Variants in PCDH1 observed in about 807,000 individuals in gnomAD.
The protein encoded by PCDH1 is protocadherin-1.
Under a neutral mutation model 74.6 loss-of-function variants are expected in PCDH1, and 23 were observed. That is an observed-to-expected ratio of 0.31 (90% confidence interval 0.22 to 0.44). PCDH1 has a LOEUF of 0.44. Ranked by LOEUF, PCDH1 falls within the 20% of genes least tolerant of loss-of-function variation. PCDH1 has a pLI of 1.00. For missense variants in PCDH1, 1,214 were observed against 1,641.4 expected (o/e 0.74, Z 4.50); for synonymous variants, 647 against 686.1 (o/e 0.94, Z 0.89).
intron 1 of PCDH1, among the ~76,000 whole-genome samples, chr5:141,876,083 C>G (rs1437593638): frequency 1.3e-5 from 2 of 152,158 alleles, no homozygotes. Flanking sequence ...ACACACCCAG[C>G]GCGCGGAGCG....
In PCDH1 at chr5:141,878,131, C is replaced by G. The variant is rs1290107643; in HGVS notation, c.40+92G>C. The G allele has an allele frequency of 4.1e-6, 5 of 1,231,478 alleles. No homozygotes were observed. In the East Asian group the frequency reaches 1.6e-4, roughly 40 times the overall value. The allele number at this position is 1,231,478 out of a possible 1,614,324, so 76.3% of individuals were successfully genotyped here. A position where few individuals can be genotyped will look rare whatever the true frequency, so the allele number is the denominator to read the frequency against. On this transcript the variant is annotated intron_variant, in intron 1 of 4. Transcript: ENST00000287008. This position sits in a 1 kb window ranked among gnomAD's most constrained non-coding sequence, Gnocchi z 5.5. ...AGCTCGTGTTGGGCCCCCGCGGCCT[C>G]GCTCCGCCGAGCGCCCCTCCCTCAG...
intron 1 of PCDH1, among the ~76,000 whole-genome samples, chr5:141,875,652 C>G (rs1481068340): frequency 1.3e-5 from 2 of 152,188 alleles, no homozygotes; most frequent in African/African-American, 4.8e-5. Context: ...ACACCCACTT[C>G]CAGCTGAAGT....
Position 141,853,924 on chromosome 5 carries a change from C to T in PCDH1, c.*118G>A, listed in dbSNP as rs984259080. 3.3e-6 allele frequency: 3 copies of T among 910,330 alleles called. No homozygotes were observed. Among genetic ancestry groups the T allele is most frequent in the Non-Finnish European group, 3.2e-6 (2 of 630,744 alleles). 56.4% of individuals were successfully genotyped at this position (910,330 alleles called of 1,614,324 possible). On this transcript the variant is annotated 3_prime_UTR_variant, in exon 5 of 5. Transcript: ENST00000287008. ...GTGGTCATGAGGTCAGTGATACCCCCACTTGGGGCCCTGGCCAGGAAGTCC... is the reference window on the plus strand; with the variant it reads ...GTGGTCATGAGGTCAGTGATACCCCTACTTGGGGCCCTGGCCAGGAAGTCC...
chr5:141,869,985 G>T lies in PCDH1; in HGVS notation c.41-554C>A, dbSNP rs1215535390. Among the ~76,000 whole-genome samples the T allele has an allele frequency of 2.6e-5, 4 of 152,146 alleles. No individual in the cohort carries two copies. Among genetic ancestry groups the T allele is most frequent in the Non-Finnish European group, 5.9e-5 (4 of 68,022 alleles). ...CCTGGGACCTTGACTTGTCACACTG[G>T]GCTCCATTAAGGTTGGCTGGAGGGA... On this transcript the variant is annotated intron_variant, in intron 1 of 4. Coordinates refer to ENST00000287008, the MANE Select transcript of PCDH1 (RefSeq NM_032420.5). This position sits in a 1 kb window ranked among gnomAD's most constrained non-coding sequence, Gnocchi z 4.9.
rs74798352 is a variant in PCDH1 at position 141,857,622 on chromosome 5, C to T, written c.3100-151G>A. ...AGGCCCCAGCACAGCACATTCCTCCCGAAAGCACAGGCCCCAGTGAAAGAC... is the reference window on the plus strand; with the variant it reads ...AGGCCCCAGCACAGCACATTCCTCCTGAAAGCACAGGCCCCAGTGAAAGAC... On this transcript the variant is annotated intron_variant, in intron 3 of 4. Transcript: ENST00000287008. The T allele has an allele frequency of 1.2e-3, 767 of 620,888 alleles. 7 individuals are homozygous for T. Among genetic ancestry groups the T allele is most frequent in the African/African-American group, 0.012 (648 of 54,022 alleles). The allele number at this position is 620,888 out of a possible 1,614,324, so 38.5% of individuals were successfully genotyped here.
chr5:141,864,276 C>T lies in PCDH1; in HGVS notation c.2055G>A (p.Leu685=). Residue 685 remains leucine, a synonymous_variant, in exon 3 of 5, where the codon CTG becomes CTA. Coordinates refer to ENST00000287008, the MANE Select transcript of PCDH1 (RefSeq NM_032420.5). This position sits in a 1 kb window ranked among gnomAD's most constrained non-coding sequence, Gnocchi z 5.9. ...GTGGGACGCCACCATCCACTGCCTT[C>T]AGCTGGAAGGTGTAGGTGCTTTGTT... ...REQQSTYTFQ[L]KAVDGGVPPR... The T allele has an allele frequency of 6.2e-7, 1 of 1,613,402 alleles. No homozygotes were observed. The highest frequency in any genetic ancestry group is 8.5e-7 in the Non-Finnish European group (1 of 1,179,374).
rs759562831 is a variant in PCDH1 at position 141,863,162 on chromosome 5, C to T, written c.3099+70G>A. ...AACCTGCTCCATCACTCCCACACCTCGGTCCAGATGGCTCCGTGGTAGGGG... is the reference window on the plus strand; with the variant it reads ...AACCTGCTCCATCACTCCCACACCTTGGTCCAGATGGCTCCGTGGTAGGGG... On this transcript the variant is annotated intron_variant, in intron 3 of 4. Transcript: ENST00000287008. The surrounding 1 kb of genome is among the most constrained non-coding windows in gnomAD (Gnocchi z 7.5). The T allele has an allele frequency of 1.2e-4, 186 of 1,494,048 alleles. 2 individuals carry two copies. In the Admixed American group the frequency reaches 1.7e-3, roughly 14 times the overall value. 92.5% of individuals were successfully genotyped at this position (1,494,048 alleles called of 1,614,324 possible). A position where few individuals can be genotyped will look rare whatever the true frequency, so the allele number is the denominator to read the frequency against.
intron 4 of PCDH1, 69 bp from the exon 5 acceptor site, chr5:141,854,505 C>G (rs1400684638): frequency 6.8e-7 from 1 of 1,477,476 alleles, no homozygotes; most frequent in East Asian, 2.3e-5. Flanking sequence ...TTCATGGCCT[C>G]CCACTGGCAT....
chr5:141,866,215 C>T lies in PCDH1; in HGVS notation c.904-788G>A, dbSNP rs572989743. ...CTGTTTCAGCAGCAACTTCTCCTCC[C>T]GACTGGCACCGGCTGGCGAGGCACC... On this transcript the variant is annotated intron_variant, in intron 2 of 4. Coordinates refer to ENST00000287008, the MANE Select transcript of PCDH1 (RefSeq NM_032420.5). The T allele has an allele frequency of 4.8e-5, 47 of 985,528 alleles. 1 individual carries two copies. Among genetic ancestry groups the T allele is most frequent in the Middle Eastern group, 5.2e-4 (1 of 1,914 alleles). 61.0% of individuals were successfully genotyped at this position (985,528 alleles called of 1,614,324 possible).
intron 1 of PCDH1, among the ~76,000 whole-genome samples, chr5:141,876,479 C>T (rs1235900742): frequency 3.3e-5 from 5 of 152,216 alleles, no homozygotes; most frequent in Non-Finnish European, 7.3e-5. Context: ...CCGACCCTCT[C>T]GTGGCGAGCA....
In PCDH1 at chr5:141,878,227, C is replaced by T; in HGVS notation, c.36G>A (p.Glu12=). 7.1e-7 allele frequency: 1 copy of T among 1,409,422 alleles called. No homozygotes were observed. The highest frequency in any genetic ancestry group is 1.5e-5 in the South Asian group (1 of 68,774). 87.3% of individuals were successfully genotyped at this position (1,409,422 alleles called of 1,614,324 possible). ...DSGAGGRRCP[E]AALLILGPPR... ...CCACCGCCGCCGGATCCTTACCCGC[C>T]TCCGGGCAGCGCCGGCCGCCCGCCC... is the stretch of plus-strand genomic sequence containing the variant. Residue 12 remains glutamate (E), a synonymous_variant, in exon 1 of 5, where the codon GAG becomes GAA. Transcript: ENST00000287008. The surrounding 1 kb of genome is among the most constrained non-coding windows in gnomAD (Gnocchi z 5.5).
At position 141,856,315 on chromosome 5, in the gene PCDH1, G is replaced by A. The variant is rs1319490957; in HGVS notation, c.3319+937C>T. 8 of 1,434,806 alleles carry A rather than the reference G, an allele frequency of 5.6e-6. No individual in the cohort carries two copies. In the Admixed American group the frequency reaches 5.9e-5, roughly 11 times the overall value. The allele number at this position is 1,434,806 out of a possible 1,614,324, so 88.9% of individuals were successfully genotyped here. A position where few individuals can be genotyped will look rare whatever the true frequency, so the allele number is the denominator to read the frequency against. ...GGCATGAGATCGCGCATGGAGGGGC[G>A]GGGTGGGGGTGGAGGGCACTCTGAG... On this transcript the variant is annotated intron_variant, in intron 4 of 4. Coordinates refer to ENST00000287008, the MANE Select transcript of PCDH1 (RefSeq NM_032420.5).
rs1269333661 is a variant in PCDH1, at chr5:141,863,721, C to T, written c.2610G>A (p.Leu870=). Residue 870 remains leucine (L), a synonymous_variant, in exon 3 of 5, where the codon CTG becomes CTA. Transcript: ENST00000287008. The surrounding 1 kb of genome is among the most constrained non-coding windows in gnomAD (Gnocchi z 7.5). ...GTCTGCAGTAGCGCACAAGAACCGC[C>T]AGGGCGATGAGCAAGGCCACGGCCA... ...GVVAVALLIA[L]AVLVRYCRQR... 2 of 1,614,086 alleles carry T rather than the reference C, an allele frequency of 1.2e-6. No homozygotes were observed. The highest frequency in any genetic ancestry group is 1.6e-4 in the Middle Eastern group (1 of 6,084).
At chr5:141,866,322 C>T in intron 2 of PCDH1, 1 of 738,188 alleles carries the variant, frequency 1.4e-6, no homozygotes, top group Non-Finnish European at 1.7e-6. Flanking sequence ...GTGGGCTGGG[C>T]TCCCAGCATC....
At position 141,863,713 on chromosome 5, in the gene PCDH1, A is replaced by G. The variant is rs373060902; in HGVS notation, c.2618T>C (p.Leu873Pro). The G allele has an allele frequency of 6.2e-7, 1 of 1,614,098 alleles. No homozygotes were observed. Among genetic ancestry groups the G allele is most frequent in the Non-Finnish European group, 8.5e-7 (1 of 1,180,038 alleles). ...CTCCCGCTGTCTGCAGTAGCGCACA[A>G]GAACCGCCAGGGCGATGAGCAAGGC... is the stretch of plus-strand genomic sequence containing the variant. ...AVALLIALAV[L>P]VRYCRQREAK... The change falls in exon 3 of 5, where the codon CTT (leucine) becomes CCT (proline). Residue 873 changes from leucine to proline, a missense_variant. Physicochemically the swap from Leu to Pro is moderately conservative, Grantham distance 98 (BLOSUM62 -3). Transcript: ENST00000287008. The surrounding 1 kb of genome is among the most constrained non-coding windows in gnomAD (Gnocchi z 7.5).
rs1454298665 is a variant in PCDH1 at position 141,864,292 on chromosome 5, G to C, written c.2039C>G (p.Thr680Ser). Residue 680 changes from threonine (T) to serine (S), a missense_variant, in exon 3 of 5, where the codon ACC becomes AGC. Thr to Ser is a moderately conservative substitution (Grantham distance 58). Coordinates refer to ENST00000287008, the MANE Select transcript of PCDH1 (RefSeq NM_032420.5). This position sits in a 1 kb window ranked among gnomAD's most constrained non-coding sequence, Gnocchi z 5.9. ...CACTGCCTTCAGCTGGAAGGTGTAG[G>C]TGCTTTGTTGCTCTCGATCAAAGCT... ...SLSFDREQQS[T>S]YTFQLKAVDG... is the part of the protein sequence containing the mutation. 6.2e-7 allele frequency: 1 copy of C among 1,613,978 alleles called. No individual in the cohort carries two copies.
chr5:141,860,123 G>A (rs1752508039), intron 3 of PCDH1, among the ~76,000 whole-genome samples: 1 of 152,132 alleles, frequency 6.6e-6, no homozygotes, highest in South Asian at 2.1e-4. Context: ...CCTTCCAGAA[G>A]CCCATTTCCA....
chr5:141,855,544 T>C (rs1335381676), intron 4 of PCDH1, among the ~76,000 whole-genome samples: 1 of 152,060 alleles, frequency 6.6e-6, no homozygotes, highest in Non-Finnish European at 1.5e-5. Context: ...TGGGCACCTC[T>C]ATCCTCAGAT....
chr5:141,869,165 C>A lies in PCDH1; in HGVS notation c.307G>T (p.Gly103Cys). 1.2e-6 allele frequency: 2 copies of A among 1,613,956 alleles called. No homozygotes were observed. The highest frequency in any genetic ancestry group is 1.7e-6 in the Non-Finnish European group (2 of 1,179,968). The change falls in exon 2 of 5, where the codon GGC (glycine) becomes TGC (cysteine). Residue 103 changes from glycine to cysteine, a missense_variant. Transcript: ENST00000287008. The surrounding 1 kb of genome is among the most constrained non-coding windows in gnomAD (Gnocchi z 4.9). ...EVGAPYLRVD[G>C]KTGDIFTTET... ...GTGGTGAAAATGTCACCTGTCTTGC[C>A]ATCCACGCGAAGGTACGGGGCACCC... is the stretch of plus-strand genomic sequence containing the variant.
Sources: allele counts gnomAD v4.1 joint callset (sites outside exome capture counted in the v4.1 genomes callset), GRCh38; gene constraint gnomAD v4.1.1; non-coding constraint Gnocchi (gnomAD v3.1); transcripts MANE v1.5; gene names NCBI Gene and HGNC (gene_info 2026-07-23, HGNC 2026-07-21).